The following DYNLT2 variants were observed in gnomAD, a reference collection of about 807,000 sequenced individuals.
DYNLT2 encodes dynein light chain Tctex-type 2, also known as dynein light chain Tctex-type protein 2.
Under a neutral mutation model 24.3 loss-of-function variants are expected in DYNLT2, and 24 were observed. The ratio of observed to expected loss-of-function variants is 0.99; its 90% CI spans 0.71 to 1.39. The LOEUF is 1.39. Ranked by LOEUF, DYNLT2 falls within the 40% of genes most tolerant of loss-of-function variation. The pLI, the probability that DYNLT2 is intolerant of heterozygous loss-of-function variation, is 0.00. For missense variants in DYNLT2, 246 were observed against 234.5 expected, an observed-to-expected ratio of 1.05 and a Z score of -0.32; for synonymous variants, 85 against 85.4, an observed-to-expected ratio of 1.00 and a Z score of 0.03.
intron 3 of DYNLT2, among the ~76,000 whole-genome samples, chr6:169,742,494 A>T (rs2128335562): frequency 6.6e-6 from 1 of 152,346 alleles, no homozygotes; most frequent in East Asian, 1.9e-4. Context: ...TGCCCAAAAT[A>T]AATTTACTGG....
At chr6:169,734,967 C>T in the DYNLT2 span, among the ~76,000 whole-genome samples, 1 of 152,238 alleles carries the variant, frequency 6.6e-6, no homozygotes, top group African/African-American at 2.4e-5. Context: ...AGTTTCAGAG[C>T]TTCTTATTGG....
At chr6:169,739,039 C>T (rs1789618177), downstream of DYNLT2, 1 of 151,944 alleles carries the variant, frequency 6.6e-6, no homozygotes, top group South Asian at 2.1e-4. Flanking sequence ...ATAGATAATT[C>T]AACTAATAGG....
the DYNLT2 span, among the ~76,000 whole-genome samples, chr6:169,733,758 T>C: frequency 1.3e-5 from 2 of 152,246 alleles, no homozygotes; most frequent in Non-Finnish European, 2.9e-5. Context: ...AGGATTGTCT[T>C]GGCTATATAG....
At chr6:169,734,134 G>T in the DYNLT2 span, among the ~76,000 whole-genome samples, 1 of 152,192 alleles carries the variant, frequency 6.6e-6, no homozygotes, top group Non-Finnish European at 1.5e-5. Flanking sequence ...CATTGATTTT[G>T]TATCCTGAGA....
intron 1 of DYNLT2, among the ~76,000 whole-genome samples, chr6:169,748,807 T>C (rs1044087696): frequency 2.6e-5 from 4 of 152,230 alleles, no homozygotes; most frequent in African/African-American, 9.6e-5. Context: ...TAACCATTAA[T>C]GCTTCTAATA....
intron 1 of DYNLT2, among the ~76,000 whole-genome samples, chr6:169,747,336 TG>T: frequency 6.6e-6 from 1 of 152,116 alleles, no homozygotes; most frequent in African/African-American, 2.4e-5. Context: ...CTTAGATTTG[TG>T]GGTTTATAGT....
chr6:169,744,419 A>G, intron 1 of DYNLT2, 145 bp from the exon 2 acceptor site: 1 of 701,410 alleles, frequency 1.4e-6, no homozygotes, highest in Non-Finnish European at 2.3e-6. Flanking sequence ...TTCTACAATA[A>G]TGTGGTTGCT....
At chr6:169,744,416 A>G in intron 1 of DYNLT2, 142 bp from the exon 2 acceptor site, 1 of 713,704 alleles carries the variant, frequency 1.4e-6, no homozygotes, top group East Asian at 2.7e-5. Context: ...GATTTCTACA[A>G]TAATGTGGTT....
chr6:169,746,974 G>A (rs1789822100), intron 1 of DYNLT2, among the ~76,000 whole-genome samples: 2 of 147,664 alleles, frequency 1.4e-5, no homozygotes, highest in African/African-American at 4.9e-5. Context: ...GCAGCAGTTT[G>A]TCCTGTGACC....
the DYNLT2 span, among the ~76,000 whole-genome samples, chr6:169,729,496 A>G: frequency 1.3e-5 from 2 of 152,208 alleles, no homozygotes. Context: ...CTATACAACT[A>G]CATGCTTTGC....
downstream of DYNLT2, among the ~76,000 whole-genome samples, chr6:169,739,554 C>T (rs1260841025): frequency 6.6e-6 from 1 of 152,084 alleles, no homozygotes; most frequent in African/African-American, 2.4e-5. Context: ...AAATTTTCCT[C>T]ATTTCTTTAA....
intron 2 of DYNLT2, 25 bp from the exon 3 acceptor site, chr6:169,743,263 C>A: frequency 1.4e-6 from 2 of 1,381,436 alleles, no homozygotes; most frequent in Non-Finnish European, 1.9e-6. Context: ...AAGAAAAATA[C>A]TTTTATTTTC....
At chr6:169,744,740 A>G (rs1325719206) in intron 1 of DYNLT2, among the ~76,000 whole-genome samples, 3 of 152,134 alleles carry the variant, frequency 2.0e-5, no homozygotes, top group Non-Finnish European at 4.4e-5. Flanking sequence ...TTTAGATAGC[A>G]CATTCGTAAG....
rs371776247 is a variant in DYNLT2 at position 169,747,721 on chromosome 6, CTACTT to C, written c.121-3452_121-3448del. On this transcript the variant is annotated intron_variant, in intron 1 of 3. Transcript: ENST00000366774. ...TGACGAAAACTAATAACTCTCTTAA[CTACTT>C]TAATGTCTGTTTATACTAATTCTAT... 7.4e-3 allele frequency among the ~76,000 whole-genome samples: 1,127 copies of C among 152,302 alleles called. 14 individuals carry two copies. Among genetic ancestry groups the C allele is most frequent in the African/African-American group, 0.025 (1,039 of 41,572 alleles).
the DYNLT2 span, among the ~76,000 whole-genome samples, chr6:169,728,748 A>G: frequency 2.6e-5 from 4 of 152,216 alleles, no homozygotes; most frequent in African/African-American, 9.6e-5. Flanking sequence ...TGTGAAAAAC[A>G]AAAGAAAACA....
chr6:169,731,301 C>A, the DYNLT2 span, among the ~76,000 whole-genome samples: 1 of 152,020 alleles, frequency 6.6e-6, no homozygotes, highest in Non-Finnish European at 1.5e-5. Context: ...CAATCTAGAA[C>A]CTTAAGAGTA....
intron 1 of DYNLT2, among the ~76,000 whole-genome samples, chr6:169,746,676 T>C (rs1182084632): frequency 6.6e-6 from 1 of 152,132 alleles, no homozygotes; most frequent in Non-Finnish European, 1.5e-5. Flanking sequence ...TGTTGTTGTT[T>C]TTAGTATGCC....
intron 1 of DYNLT2, among the ~76,000 whole-genome samples, chr6:169,744,826 A>G (rs370147466): frequency 4.6e-5 from 7 of 152,222 alleles, no homozygotes; most frequent in African/African-American, 1.4e-4. Context: ...TGAAACATCC[A>G]TTCTGTGACA....
intron 1 of DYNLT2, 86 bp downstream of exon 1, chr6:169,751,253 T>C: frequency 1.3e-6 from 2 of 1,522,278 alleles, no homozygotes; most frequent in African/African-American, 1.4e-5. Flanking sequence ...CTGGGGGTGG[T>C]GACGGGAGCG....
Sources: allele counts gnomAD v4.1 joint callset (sites outside exome capture counted in the v4.1 genomes callset), GRCh38; gene constraint gnomAD v4.1.1; transcripts MANE v1.5; gene names NCBI Gene and HGNC (gene_info 2026-07-23, HGNC 2026-07-21).